Variants in FHOD3 observed in about 807,000 individuals in gnomAD.
The protein encoded by FHOD3 is formin homology 2 domain containing 3.
In FHOD3, 90 loss-of-function variants were observed where a neutral mutation model predicts 173.0. That is an observed-to-expected ratio of 0.52 (90% CI 0.44 to 0.62). The LOEUF (loss-of-function observed/expected upper bound fraction) is 0.62. Ranked by LOEUF, FHOD3 falls within the 20% of genes least tolerant of loss-of-function variation. The pLI is 0.00. For synonymous variants in FHOD3, 828 were observed against 823.0 expected, an observed-to-expected ratio of 1.01 and a Z score of -0.10; for missense variants, 1,945 against 2,034.7, an observed-to-expected ratio of 0.96 and a Z score of 0.85.
chr18:36,483,668 G>A (rs2054046807), intron 3 of FHOD3, among the ~76,000 whole-genome samples: 1 of 152,206 alleles, frequency 6.6e-6, no homozygotes, highest in African/African-American at 2.4e-5. Context: ...ATGAAGAACT[G>A]GTACAGAGAT....
intron 1 of FHOD3, among the ~76,000 whole-genome samples, chr18:36,351,435 A>G (rs111522892): frequency 3.9e-5 from 6 of 152,220 alleles, no homozygotes; most frequent in African/African-American, 1.2e-4. Flanking sequence ...CTGAGGATGA[A>G]CGTCCACCCA....
At chr18:36,593,478 G>A (rs1033632867) in intron 6 of FHOD3, among the ~76,000 whole-genome samples, 25 of 152,130 alleles carry the variant, frequency 1.6e-4, no homozygotes, top group Admixed American at 1.6e-3. Context: ...AATGACTTGG[G>A]GTGAGTGGTG....
intron 3 of FHOD3, among the ~76,000 whole-genome samples, chr18:36,428,735 G>A (rs1244781366): frequency 6.6e-6 from 1 of 152,216 alleles, no homozygotes; most frequent in Non-Finnish European, 1.5e-5. Context: ...ACAGCAGAAT[G>A]ATCATTCCAG....
chr18:36,773,742 G>A (rs2043499665), intron 28 of FHOD3, among the ~76,000 whole-genome samples: 1 of 152,004 alleles, frequency 6.6e-6, no homozygotes, highest in African/African-American at 2.4e-5. Context: ...TGCACATCCC[G>A]ACCCAACTGT....
intron 1 of FHOD3, among the ~76,000 whole-genome samples, chr18:36,303,155 T>C (rs2091999494): frequency 6.6e-6 from 1 of 152,174 alleles, no homozygotes; most frequent in Non-Finnish European, 1.5e-5. Context: ...ACAACAACTC[T>C]AGCAGGCAGG....
intron 3 of FHOD3, among the ~76,000 whole-genome samples, chr18:36,433,122 G>A (rs1020246426): frequency 1.3e-5 from 2 of 152,158 alleles, no homozygotes; most frequent in African/African-American, 4.8e-5. Context: ...TTAATTCAGA[G>A]TAAACTGATT....
At chr18:36,580,891 G>T (rs2058826341) in intron 6 of FHOD3, among the ~76,000 whole-genome samples, 1 of 152,160 alleles carries the variant, frequency 6.6e-6, no homozygotes, top group Non-Finnish European at 1.5e-5. Context: ...ACCTGGAAAG[G>T]TTACCTTGAC....
At chr18:36,572,923 A>T (rs1331268984) in intron 5 of FHOD3, among the ~76,000 whole-genome samples, 3 of 152,140 alleles carry the variant, frequency 2.0e-5, no homozygotes, top group African/African-American at 7.2e-5. Flanking sequence ...CAGTGGAGCA[A>T]ACTCCTCTTC....
chr18:36,716,921 T>G (rs2040487197), intron 18 of FHOD3, among the ~76,000 whole-genome samples: 1 of 143,150 alleles, frequency 7.0e-6, no homozygotes, highest in African/African-American at 2.9e-5. Flanking sequence ...TGTATGTGTG[T>G]GTGTGTGTGT....
chr18:36,370,319 A>G (rs562866769), intron 2 of FHOD3, among the ~76,000 whole-genome samples: 1 of 152,304 alleles, frequency 6.6e-6, no homozygotes, highest in African/African-American at 2.4e-5. Context: ...ACTTCTAAAA[A>G]AAATAGGACT....
At chr18:36,353,483 A>G (rs1234608278) in intron 1 of FHOD3, among the ~76,000 whole-genome samples, 3 of 152,210 alleles carry the variant, frequency 2.0e-5, no homozygotes, top group African/African-American at 7.2e-5. Context: ...CTAATCCCTT[A>G]TTTGAAATCT....
Position 36,428,983 on chromosome 18 carries a change from AGTCG to A in FHOD3, c.337+56241_337+56244del, listed in dbSNP as rs563673409. Among the ~76,000 whole-genome samples, 88 of 152,334 alleles carry A rather than the reference AGTCG, an allele frequency of 5.8e-4. 1 individual carries two copies. Among genetic ancestry groups the A allele is most frequent in the Non-Finnish European group, 1.2e-3 (84 of 68,032 alleles). ...CTTGAAATATGTTTTAGCAGCAGTC[AGTCG>A]GGAATGTTAATTAAGGGGCCACTGT... On this transcript the variant is annotated intron_variant, in intron 3 of 28. Coordinates refer to ENST00000590592, the MANE Select transcript of FHOD3 (RefSeq NM_001281740.3).
chr18:36,723,511 A>C lies in FHOD3; in HGVS notation c.3417+4796A>C, dbSNP rs138716010. Among the ~76,000 whole-genome samples, 512 of 152,250 alleles carry C rather than the reference A, an allele frequency of 3.4e-3. 7 individuals carry two copies. The highest frequency in any genetic ancestry group is 3.4e-3 in the Middle Eastern group (1 of 294). On this transcript the variant is annotated intron_variant, in intron 19 of 28. Transcript: ENST00000590592. Reference sequence around the variant, plus strand: ...ACATCTGTGTCATTGCATCCTTGTAACTGTCACTTTCTCAACGGACAGTTT... The same window carrying C: ...ACATCTGTGTCATTGCATCCTTGTACCTGTCACTTTCTCAACGGACAGTTT...
At chr18:36,373,952 A>G (rs1456233896) in intron 3 of FHOD3, among the ~76,000 whole-genome samples, 1 of 152,226 alleles carries the variant, frequency 6.6e-6, no homozygotes, top group African/African-American at 2.4e-5. Context: ...TCCCAGATCT[A>G]GAACAAATCC....
At position 36,694,390 on chromosome 18, in the gene FHOD3, A is replaced by G. The variant is rs113388687; in HGVS notation, c.2236+967A>G. ...TTGCTGGCTCTCCAAACCTTGGCTC[A>G]TTCTGCTGGAGCGGGCCGGCTCCTC... On this transcript the variant is annotated intron_variant, in intron 17 of 28. Coordinates refer to ENST00000590592, the MANE Select transcript of FHOD3 (RefSeq NM_001281740.3). Among the ~76,000 whole-genome samples, 70 of 152,280 alleles carry G rather than the reference A, an allele frequency of 4.6e-4. 1 individual carries two copies. The highest frequency in any genetic ancestry group is 1.5e-3 in the African/African-American group (63 of 41,552).
chr18:36,638,480 TG>T (rs1433667486), intron 10 of FHOD3, among the ~76,000 whole-genome samples: 1 of 152,104 alleles, frequency 6.6e-6, no homozygotes, highest in Non-Finnish European at 1.5e-5. Flanking sequence ...TGTGCACATT[TG>T]AAAAGCTGCC....
chr18:36,371,449 G>A (rs1027715313), intron 2 of FHOD3, among the ~76,000 whole-genome samples: 1 of 152,114 alleles, frequency 6.6e-6, no homozygotes, highest in Admixed American at 6.5e-5. Context: ...CAGGGGAACT[G>A]CCCTTTATCA....
At chr18:36,325,764 A>G (rs1568124926) in intron 1 of FHOD3, among the ~76,000 whole-genome samples, 1 of 152,160 alleles carries the variant, frequency 6.6e-6, no homozygotes, top group Non-Finnish European at 1.5e-5. Context: ...GGCAGCCTGC[A>G]CCCACAGATT....
chr18:36,420,650 T>A (rs759136007), intron 3 of FHOD3, among the ~76,000 whole-genome samples: 1 of 152,228 alleles, frequency 6.6e-6, no homozygotes, highest in East Asian at 1.9e-4. Context: ...TCCCTTATTA[T>A]AGGATTTTTT....
Sources: allele counts gnomAD v4.1 joint callset (sites outside exome capture counted in the v4.1 genomes callset), GRCh38; gene constraint gnomAD v4.1.1; transcripts MANE v1.5; gene names NCBI Gene and HGNC (gene_info 2026-07-23, HGNC 2026-07-21).